Variants in VRTN observed in about 807,000 individuals in gnomAD.
The protein encoded by VRTN is vertebrae development associated.
VRTN carries 5 observed loss-of-function variants against 18.2 expected under a neutral mutation model. That is an observed-to-expected ratio of 0.27 (90% CI 0.14 to 0.58). The LOEUF is 0.58. Ranked by LOEUF, VRTN falls within the 20% of genes least tolerant of loss-of-function variation. VRTN has a pLI of 0.91. For missense variants in VRTN, 741 were observed against 939.4 expected, an observed-to-expected ratio of 0.79 and a Z score of 2.76; for synonymous variants, 381 against 393.7, an observed-to-expected ratio of 0.97 and a Z score of 0.38.
intron 1 of VRTN, among the ~76,000 whole-genome samples, chr14:74,323,363 C>A (rs892409905): frequency 6.6e-6 from 1 of 151,890 alleles, no homozygotes; most frequent in Non-Finnish European, 1.5e-5. Context: ...GCGGGCAGAT[C>A]GCCTGAGGTC....
At chr14:74,309,181 C>T (rs1337708716) in intron 1 of VRTN, among the ~76,000 whole-genome samples, 1 of 152,104 alleles carries the variant, frequency 6.6e-6, no homozygotes, top group African/African-American at 2.4e-5. Flanking sequence ...TTCCACAGCA[C>T]CCCACTTTTT....
At chr14:74,345,733 G>T (rs1039772455), upstream of VRTN, among the ~76,000 whole-genome samples, 1 of 150,426 alleles carries the variant, frequency 6.6e-6, no homozygotes, top group African/African-American at 2.4e-5. Flanking sequence ...AGACCACCCC[G>T]GCCAACATGG....
intron 1 of VRTN, among the ~76,000 whole-genome samples, chr14:74,317,367 C>T (rs377670622): frequency 3.9e-5 from 6 of 152,182 alleles, no homozygotes; most frequent in African/African-American, 1.4e-4. Flanking sequence ...CTCTCCCTAC[C>T]AGCCAAGGAC....
rs576195396 is a variant in VRTN, at chr14:74,336,260, A to G, written c.-163-1463A>G. Among the ~76,000 whole-genome samples the G allele has an allele frequency of 6.6e-5, 10 of 152,010 alleles. No individual in the cohort carries two copies. In the South Asian group the frequency reaches 2.1e-3, roughly 32 times the overall value. The stretch of plus-strand genomic sequence containing the variant: ...CTGTCTCTACTAAAAATACAAAATT[A>G]GCTGGGCATGGTGCTGCATGCTTGT... On this transcript the variant is annotated intron_variant, in intron 1 of 2. Transcript: ENST00000557177.
intron 2 of VRTN, among the ~76,000 whole-genome samples, chr14:74,340,186 C>T (rs2085592771): frequency 6.7e-6 from 1 of 150,244 alleles, no homozygotes; most frequent in African/African-American, 2.5e-5. Context: ...GATCTCAGCT[C>T]ACCGCAACCT....
At chr14:74,349,566 A>G (rs761113542) in intron 1 of VRTN, among the ~76,000 whole-genome samples, 8 of 152,194 alleles carry the variant, frequency 5.3e-5, no homozygotes, top group Non-Finnish European at 1.0e-4. Context: ...GGTAAGCTAG[A>G]GCCCAGAATG....
intron 1 of VRTN, among the ~76,000 whole-genome samples, chr14:74,320,166 C>T (rs2085444090): frequency 6.6e-6 from 1 of 151,362 alleles, no homozygotes; most frequent in African/African-American, 2.4e-5. Flanking sequence ...GCGAGGATTG[C>T]TTAAGCCTCA....
At chr14:74,319,119 G>A (rs1170421119) in intron 1 of VRTN, among the ~76,000 whole-genome samples, 5 of 151,884 alleles carry the variant, frequency 3.3e-5, no homozygotes, top group Admixed American at 6.6e-5. Context: ...TGAAACCTCC[G>A]CCTCCCAGGC....
chr14:74,353,274 G>A (rs1037122677), intron 1 of VRTN, among the ~76,000 whole-genome samples: 2 of 152,126 alleles, frequency 1.3e-5, no homozygotes, highest in African/African-American at 4.8e-5. Flanking sequence ...GGGTGATAGA[G>A]TGAGATTCTG....
intron 1 of VRTN, among the ~76,000 whole-genome samples, chr14:74,356,198 C>G (rs2085726257): frequency 6.6e-6 from 1 of 150,974 alleles, no homozygotes; most frequent in Non-Finnish European, 1.5e-5. Context: ...TTTTTTTTCC[C>G]TTTTGGAGAC....
Position 74,359,144 on chromosome 14 carries a change from T to C in VRTN, c.*252T>C, listed in dbSNP as rs2085761912. 1 of 670,330 alleles carries C rather than the reference T, an allele frequency of 1.5e-6. No individual in the cohort carries two copies. The highest frequency in any genetic ancestry group is 2.2e-6 in the Non-Finnish European group (1 of 462,016). The allele number at this position is 670,330 out of a possible 1,614,324, so 41.5% of individuals were successfully genotyped here. A position where few individuals can be genotyped will look rare whatever the true frequency, so the allele number is the denominator to read the frequency against. On this transcript the variant is annotated 3_prime_UTR_variant, in exon 2 of 2. Transcript: ENST00000256362. ...CGTTGTTTGCTGGTCATATTTTTAC[T>C]GTTATGATTTAGTTTTTGGTTTTGA...
Position 74,358,147 on chromosome 14 carries a change from C to T in VRTN, c.1364C>T (p.Ala455Val). The stretch of plus-strand genomic sequence containing the variant: ...AACCCCAGCTTCAAGCCGGCACCAG[C>T]CCTCTCTGCTGCTGGGACTCCCCAG... ...RRNPSFKPAP[A>V]LSAAGTPQLA... The change falls in exon 2 of 2, where the codon GCC becomes GTC. Residue 455 changes from alanine (A) to valine (V), a missense_variant. Physicochemically the swap from Ala to Val is moderately conservative, Grantham distance 64 (BLOSUM62 0). Around this residue, in one of 3 missense-constraint regions of VRTN, gnomAD observed 494 missense variants for 546.5 expected, o/e 0.90. Transcript: ENST00000256362. The surrounding 1 kb of genome is among the most constrained non-coding windows in gnomAD (Gnocchi z 5.4). 1.2e-6 allele frequency: 2 copies of T among 1,614,144 alleles called. No homozygotes were observed. Among genetic ancestry groups the T allele is most frequent in the Non-Finnish European group, 1.7e-6 (2 of 1,180,036 alleles).
chr14:74,306,548 A>T (rs942020744), intron 1 of VRTN: 11 of 150,950 alleles, frequency 7.3e-5, no homozygotes, highest in African/African-American at 2.7e-4. Context: ...GCCATATAAA[A>T]CCTATACTGT....
In VRTN at chr14:74,359,027, T is replaced by G; in HGVS notation, c.*135T>G. On this transcript the variant is annotated 3_prime_UTR_variant, in exon 2 of 2. Transcript: ENST00000256362. ...TGTCTACCCTAAGTCCAAGGGTATA[T>G]TTGTGTTATTTTCTGGCTCCAGGAC... The G allele has an allele frequency of 7.1e-7, 1 of 1,399,856 alleles. No individual in the cohort carries two copies. Among genetic ancestry groups the G allele is most frequent in the Non-Finnish European group, 9.3e-7 (1 of 1,069,708 alleles). 86.7% of individuals were successfully genotyped at this position (1,399,856 alleles called of 1,614,324 possible). A position where few individuals can be genotyped will look rare whatever the true frequency, so the allele number is the denominator to read the frequency against.
chr14:74,341,096 G>C (rs1278174736), intron 2 of VRTN, among the ~76,000 whole-genome samples: 1 of 152,222 alleles, frequency 6.6e-6, no homozygotes, highest in African/African-American at 2.4e-5. Flanking sequence ...TGATGGGACA[G>C]ATGGATGAAT....
chr14:74,353,809 G>A (rs1294992815), intron 1 of VRTN, among the ~76,000 whole-genome samples: 5 of 151,590 alleles, frequency 3.3e-5, no homozygotes, highest in Admixed American at 6.6e-5. Flanking sequence ...TGTAAGCTCC[G>A]CCTCCCGGGT....
intron 1 of VRTN, among the ~76,000 whole-genome samples, chr14:74,330,721 G>A (rs560184226): frequency 4.6e-5 from 7 of 151,794 alleles, no homozygotes; most frequent in Non-Finnish European, 7.4e-5. Context: ...GATTACAGGC[G>A]TGAGCCACCG....
At chr14:74,307,410 G>A (rs756662891) in intron 1 of VRTN, among the ~76,000 whole-genome samples, 3 of 152,038 alleles carry the variant, frequency 2.0e-5, no homozygotes, top group South Asian at 4.2e-4. Flanking sequence ...GATTACAGGC[G>A]TGAGCCACTG....
intron 1 of VRTN, among the ~76,000 whole-genome samples, chr14:74,319,427 T>C (rs1195174248): frequency 6.6e-6 from 1 of 152,212 alleles, no homozygotes; most frequent in Non-Finnish European, 1.5e-5. Flanking sequence ...GAATCAAGTG[T>C]GGTTCTGCAG....
Sources: gnomAD v4.1 joint callset for allele counts (sites outside exome capture counted in the v4.1 genomes callset) on GRCh38, gnomAD v4.1.1 for gene constraint, gnomAD v4.1.1 regional missense constraint, Gnocchi (gnomAD v3.1) non-coding constraint, MANE v1.5 for transcripts, NCBI Gene and HGNC (gene_info 2026-07-23, HGNC 2026-07-21) for gene names.